EYA1: variants seen among roughly 807,000 people sequenced by gnomAD.
EYA1 encodes the protein protein phosphatase EYA1.
Under a neutral mutation model 82.0 loss-of-function variants are expected in EYA1, and 16 were observed. The observed-to-expected ratio is 0.20, with a 90% CI of 0.13 to 0.30. The LOEUF (loss-of-function observed/expected upper bound fraction) is 0.30, where lower values mean the gene tolerates loss of function less well. Among genes scored for constraint, EYA1 ranks in the 10% least tolerant of loss-of-function variants. The pLI is 1.00. For missense variants in EYA1, 633 were observed against 730.7 expected (o/e 0.87, Z 1.54); for synonymous variants, 261 against 264.4 (o/e 0.99, Z 0.12).
At chr8:71,454,804 A>T (rs1303075872) in intron 2 of EYA1, among the ~76,000 whole-genome samples, 1 of 152,234 alleles carries the variant, frequency 6.6e-6, no homozygotes, top group African/African-American at 2.4e-5. Context: ...CTAAATGCCC[A>T]CAAAAGAAAG....
intron 2 of EYA1, among the ~76,000 whole-genome samples, chr8:71,433,639 G>A (rs1406727597): frequency 6.6e-6 from 1 of 152,228 alleles, no homozygotes; most frequent in Non-Finnish European, 1.5e-5. Context: ...AACATTGTAA[G>A]TGCAGGAGTG....
At chr8:71,272,198 C>T (rs1212680529) in intron 9 of EYA1, among the ~76,000 whole-genome samples, 1 of 152,138 alleles carries the variant, frequency 6.6e-6, no homozygotes, top group Non-Finnish European at 1.5e-5. Flanking sequence ...GCTCCCCATG[C>T]CTTTCCCCGC....
chr8:71,231,855 C>A (rs949716905), intron 12 of EYA1, among the ~76,000 whole-genome samples: 1 of 152,148 alleles, frequency 6.6e-6, no homozygotes, highest in Non-Finnish European at 1.5e-5. Flanking sequence ...TTTTAAGTTG[C>A]CTGGGCAACT....
chr8:71,273,747 C>T (rs1195339396), intron 9 of EYA1, among the ~76,000 whole-genome samples: 1 of 152,236 alleles, frequency 6.6e-6, no homozygotes, highest in Non-Finnish European at 1.5e-5. Flanking sequence ...ACCTGCACTT[C>T]AAGTACTTTA....
chr8:71,407,516 G>A, intron 2 of EYA1, among the ~76,000 whole-genome samples: 1 of 146,700 alleles, frequency 6.8e-6, no homozygotes, highest in Non-Finnish European at 1.5e-5. Context: ...CCAATACAGA[G>A]AAGTGCTTAA....
chr8:71,337,639 A>AC lies in EYA1; in HGVS notation c.125-3466dup, dbSNP rs906485718. ...TCCTTGATCTTAATTATCTCCATATACAAATGTTTTAAAATTATATCTGTA... is the reference window on the plus strand; with the variant it reads ...TCCTTGATCTTAATTATCTCCATATACCAAATGTTTTAAAATTATATCTGTA... On this transcript the variant is annotated intron_variant, in intron 3 of 17. Coordinates refer to ENST00000340726, the MANE Select transcript of EYA1 (RefSeq NM_000503.6). Among the ~76,000 whole-genome samples the AC allele has an allele frequency of 7.9e-5, 12 of 152,334 alleles. 1 individual carries two copies. Among genetic ancestry groups the AC allele is most frequent in the Middle Eastern group, 3.4e-3 (1 of 294 alleles).
At chr8:71,539,560 T>C (rs1814986354) in intron 1 of EYA1, among the ~76,000 whole-genome samples, 1 of 152,188 alleles carries the variant, frequency 6.6e-6, no homozygotes, top group Admixed American at 6.5e-5. Flanking sequence ...TTTGAATTGA[T>C]CTTTCGAACA....
intron 2 of EYA1, among the ~76,000 whole-genome samples, chr8:71,431,387 C>T (rs1230250176): frequency 6.6e-6 from 1 of 152,128 alleles, no homozygotes; most frequent in Admixed American, 6.6e-5. Context: ...GCCACCGCTC[C>T]AGTCTGGGCC....
intron 2 of EYA1, among the ~76,000 whole-genome samples, chr8:71,415,467 G>C (rs1445422880): frequency 1.3e-5 from 2 of 152,150 alleles, no homozygotes; most frequent in African/African-American, 4.8e-5. Context: ...GCTTACAGAA[G>C]TACCCTAAAC....
intron 9 of EYA1, among the ~76,000 whole-genome samples, chr8:71,272,559 T>A (rs1217427308): frequency 6.6e-6 from 1 of 152,056 alleles, no homozygotes; most frequent in African/African-American, 2.4e-5. Flanking sequence ...AAATTACTCA[T>A]CTGGGTAACT....
chr8:71,241,265 A>G (rs760544720), intron 12 of EYA1, among the ~76,000 whole-genome samples: 1 of 152,176 alleles, frequency 6.6e-6, no homozygotes, highest in Non-Finnish European at 1.5e-5. Flanking sequence ...TTTTCTTTAA[A>G]TTAAAAAAGT....
chr8:71,337,288 C>T (rs1824611613), intron 3 of EYA1, among the ~76,000 whole-genome samples: 1 of 152,210 alleles, frequency 6.6e-6, no homozygotes, highest in Non-Finnish European at 1.5e-5. Context: ...TTATATGACT[C>T]CAGTCTATTA....
intron 2 of EYA1, among the ~76,000 whole-genome samples, chr8:71,437,670 ACAAAAGCC>A (rs1193394470): frequency 1.3e-5 from 2 of 152,154 alleles, no homozygotes; most frequent in African/African-American, 4.8e-5. Context: ...TTCCAGTTTA[ACAAAAGCC>A]CAACAAATTT....
chr8:71,283,040 G>A (rs1817994578), intron 9 of EYA1, among the ~76,000 whole-genome samples: 1 of 149,396 alleles, frequency 6.7e-6, no homozygotes, highest in Non-Finnish European at 1.5e-5. Context: ...CTTAAACACT[G>A]CTCATGTTAT....
chr8:71,433,070 C>G (rs1455930066), intron 2 of EYA1, among the ~76,000 whole-genome samples: 1 of 152,192 alleles, frequency 6.6e-6, no homozygotes, highest in Admixed American at 6.5e-5. Flanking sequence ...TAGGATGCCT[C>G]AGCCATGTGG....
chr8:71,321,687 C>G (rs59927438), intron 6 of EYA1, 47 bp downstream of exon 6: 10 of 1,605,348 alleles, frequency 6.2e-6, no homozygotes, highest in Non-Finnish European at 8.5e-6. Context: ...TGTTAATACA[C>G]GCATGCCCAT....
At chr8:71,368,284 A>G (rs1405660342) in intron 2 of EYA1, among the ~76,000 whole-genome samples, 1 of 152,150 alleles carries the variant, frequency 6.6e-6, no homozygotes, top group East Asian at 1.9e-4. Context: ...CCAAGAGGTC[A>G]GAGCGCCCGT....
intron 1 of EYA1, among the ~76,000 whole-genome samples, chr8:71,540,852 A>T (rs1164906812): frequency 6.6e-6 from 1 of 152,182 alleles, no homozygotes. Flanking sequence ...GAAACTAGTG[A>T]CTGAACATTG....
intron 2 of EYA1, among the ~76,000 whole-genome samples, chr8:71,485,572 AT>A (rs1467630315): frequency 6.6e-6 from 1 of 150,630 alleles, no homozygotes; most frequent in Non-Finnish European, 1.5e-5. Flanking sequence ...AGAGTAAACC[AT>A]TTAAAAAAAA....
Sources: gnomAD v4.1 joint callset for allele counts (sites outside exome capture counted in the v4.1 genomes callset) on GRCh38, gnomAD v4.1.1 for gene constraint, MANE v1.5 for transcripts, NCBI Gene and HGNC (gene_info 2026-07-23, HGNC 2026-07-21) for gene names.